The following ITPR1 variants were observed in gnomAD, a reference collection of about 807,000 sequenced individuals.
ITPR1 encodes inositol 1,4,5-trisphosphate receptor type 1.
In ITPR1, 96 loss-of-function variants were observed where a neutral mutation model predicts 318.4. The ratio of observed to expected loss-of-function variants is 0.30; its 90% confidence interval spans 0.26 to 0.36. The LOEUF is 0.36. Ranked by LOEUF, ITPR1 falls within the 10% of genes least tolerant of loss-of-function variation. The probability of loss-of-function intolerance (pLI) is 1.00; values close to 1 mark genes in which losing one functional copy is unlikely to be tolerated. For missense variants in ITPR1, 2,440 were observed against 3,460.2 expected (o/e 0.71, Z 7.40); for synonymous variants, 1,312 against 1,289.9 (o/e 1.02, Z -0.37).
At chr3:4,576,416 A>G (rs1302721451) in intron 4 of ITPR1, among the ~76,000 whole-genome samples, 1 of 152,194 alleles carries the variant, frequency 6.6e-6, no homozygotes, top group Non-Finnish European at 1.5e-5. Flanking sequence ...GATCTTCACA[A>G]AGAGGTTTAG....
At chr3:4,717,060 C>T (rs1559760493) in intron 39 of ITPR1, among the ~76,000 whole-genome samples, 1 of 152,234 alleles carries the variant, frequency 6.6e-6, no homozygotes, top group African/African-American at 2.4e-5. Context: ...TTGCTCCCAG[C>T]TCGGTTCATG....
At chr3:4,838,073 T>C (rs2051061495) in intron 61 of ITPR1, among the ~76,000 whole-genome samples, 1 of 152,212 alleles carries the variant, frequency 6.6e-6, no homozygotes, top group Non-Finnish European at 1.5e-5. Flanking sequence ...CAGAGCATTT[T>C]TAATCATCAT....
intron 61 of ITPR1, among the ~76,000 whole-genome samples, chr3:4,837,530 A>C (rs2106545306): frequency 6.6e-6 from 1 of 152,082 alleles, no homozygotes; most frequent in South Asian, 2.1e-4. Context: ...ATCCACAGAA[A>C]TACTGCCTGC....
At chr3:4,843,703 A>T (rs2051542319) in intron 61 of ITPR1, among the ~76,000 whole-genome samples, 1 of 152,190 alleles carries the variant, frequency 6.6e-6, no homozygotes, top group Non-Finnish European at 1.5e-5. Context: ...CCAATAACCC[A>T]CATCAGTGGG....
intron 4 of ITPR1, among the ~76,000 whole-genome samples, chr3:4,617,931 G>A (rs990741997): frequency 6.6e-6 from 1 of 150,974 alleles, no homozygotes; most frequent in Non-Finnish European, 1.5e-5. Context: ...GCTGCAGTGA[G>A]CAATGATGGT....
chr3:4,654,181 A>T (rs1299560561), intron 12 of ITPR1, among the ~76,000 whole-genome samples: 4 of 152,282 alleles, frequency 2.6e-5, no homozygotes, highest in South Asian at 2.1e-4. Context: ...AGGGTTGGAG[A>T]CAGTGACACC....
chr3:4,799,404 G>T (rs145090226), intron 53 of ITPR1, among the ~76,000 whole-genome samples: 1 of 152,202 alleles, frequency 6.6e-6, no homozygotes, highest in East Asian at 1.9e-4. Flanking sequence ...GGCTGGGCTG[G>T]GGGGAACAGT....
At chr3:4,723,385 C>T (rs917097001) in intron 40 of ITPR1, among the ~76,000 whole-genome samples, 5 of 152,074 alleles carry the variant, frequency 3.3e-5, no homozygotes, top group Non-Finnish European at 7.4e-5. Context: ...CTTGAAGATG[C>T]AAAGCATCCT....
At chr3:4,561,602 A>C (rs1366060759) in intron 4 of ITPR1, among the ~76,000 whole-genome samples, 1 of 152,240 alleles carries the variant, frequency 6.6e-6, no homozygotes, top group Non-Finnish European at 1.5e-5. Context: ...GAAAATAAGA[A>C]AGAATGTATA....
At chr3:4,817,388 C>T (rs1268490213) in intron 59 of ITPR1, 2 of 152,214 alleles carry the variant, frequency 1.3e-5, no homozygotes, top group Non-Finnish European at 2.9e-5. Context: ...TATCTGCACA[C>T]ATCTGTGTAT....
intron 54 of ITPR1, among the ~76,000 whole-genome samples, chr3:4,804,239 G>A (rs1004853140): frequency 6.6e-6 from 1 of 152,206 alleles, no homozygotes; most frequent in Admixed American, 6.5e-5. Context: ...ACCTGTGGAC[G>A]GAGACAGAGA....
intron 46 of ITPR1, among the ~76,000 whole-genome samples, chr3:4,769,656 C>T (rs1249999211): frequency 9.9e-5 from 15 of 152,144 alleles, no homozygotes; most frequent in Admixed American, 9.2e-4. Flanking sequence ...CTAAGTGTTG[C>T]TTATATGATT....
intron 60 of ITPR1, among the ~76,000 whole-genome samples, chr3:4,832,647 T>C (rs2050598441): frequency 6.6e-6 from 1 of 152,152 alleles, no homozygotes; most frequent in Non-Finnish European, 1.5e-5. Flanking sequence ...AAAAATAAAT[T>C]GACCTTTCTA....
intron 4 of ITPR1, among the ~76,000 whole-genome samples, chr3:4,572,469 T>C (rs917801329): frequency 6.6e-6 from 1 of 152,196 alleles, no homozygotes; most frequent in African/African-American, 2.4e-5. Context: ...GCAAGCTTCA[T>C]GTGACACTGA....
chr3:4,817,713 G>A (rs2049398170), intron 59 of ITPR1, among the ~76,000 whole-genome samples: 1 of 152,174 alleles, frequency 6.6e-6, no homozygotes, highest in Non-Finnish European at 1.5e-5. Context: ...TGGGCGAAGG[G>A]ACTTCACATT....
intron 44 of ITPR1, among the ~76,000 whole-genome samples, chr3:4,757,794 T>C (rs1234504062): frequency 2.6e-5 from 4 of 152,150 alleles, no homozygotes; most frequent in African/African-American, 9.7e-5. Context: ...ATAATAAAAC[T>C]TGCAGAGAGA....
intron 34 of ITPR1, among the ~76,000 whole-genome samples, chr3:4,698,146 G>C (rs987715462): frequency 4.6e-5 from 7 of 152,260 alleles, no homozygotes; most frequent in Middle Eastern, 3.4e-3. Flanking sequence ...TGTGATGGTG[G>C]AATTTGGCAA....
intron 4 of ITPR1, among the ~76,000 whole-genome samples, chr3:4,535,595 A>T (rs1344249560): frequency 1.3e-5 from 2 of 151,366 alleles, no homozygotes; most frequent in Non-Finnish European, 2.9e-5. Flanking sequence ...GGTGCCTGCC[A>T]CCACGCCCGG....
chr3:4,604,853 A>G (rs2091586752), intron 4 of ITPR1, among the ~76,000 whole-genome samples: 1 of 152,148 alleles, frequency 6.6e-6, no homozygotes, highest in Admixed American at 6.5e-5. Context: ...GAACAGATGG[A>G]CAGCATCGTG....
Sources: gnomAD v4.1 joint callset for allele counts (sites outside exome capture counted in the v4.1 genomes callset) on GRCh38, gnomAD v4.1.1 for gene constraint, MANE v1.5 for transcripts, NCBI Gene and HGNC (gene_info 2026-07-23, HGNC 2026-07-21) for gene names.